MILR1: variants seen among roughly 807,000 people sequenced by gnomAD.
MILR1 encodes allergin-1.
In MILR1, 31 loss-of-function variants were observed where a neutral mutation model predicts 18.5. The observed-to-expected ratio is 1.68, with a 90% CI of 1.26 to 2.26. The LOEUF is 2.26. Ranked by LOEUF, MILR1 falls within the 30% of genes most tolerant of loss-of-function variation. The probability of loss-of-function intolerance (pLI) is 0.00; values close to 1 mark genes in which losing one functional copy is unlikely to be tolerated. For synonymous variants in MILR1, 85 were observed against 56.2 expected (o/e 1.51, Z -2.30); for missense variants, 257 against 157.4 (o/e 1.63, Z -3.38).
chr17:64,479,112 T>C, the MILR1 span, among the ~76,000 whole-genome samples: 12 of 151,986 alleles, frequency 7.9e-5, no homozygotes, highest in African/African-American at 2.4e-4. Flanking sequence ...CCCCTTCATT[T>C]TACACATAAT....
chr17:64,460,986 A>G (rs1349484979), intron 5 of MILR1, 54 bp downstream of exon 5: 9 of 467,938 alleles, frequency 1.9e-5, no homozygotes, highest in Non-Finnish European at 3.5e-5. Flanking sequence ...TGGGATACAG[A>G]CAGCAGGACA....
intron 8 of MILR1, among the ~76,000 whole-genome samples, chr17:64,467,111 C>T (rs2037589445): frequency 7.2e-6 from 1 of 139,274 alleles, no homozygotes; most frequent in African/African-American, 2.7e-5. Context: ...TTCTTTCCTG[C>T]CTTTCTCCTT....
At chr17:64,491,108 AT>A in the MILR1 span, 330 of 712,514 alleles carry the variant, frequency 4.6e-4, no homozygotes, top group Non-Finnish European at 7.1e-4. Flanking sequence ...CCGAATACAA[AT>A]TTTAAAGTTT....
the MILR1 span, among the ~76,000 whole-genome samples, chr17:64,495,895 G>A: frequency 6.6e-6 from 1 of 152,078 alleles, no homozygotes; most frequent in Non-Finnish European, 1.5e-5. Flanking sequence ...TTTTAGTAGA[G>A]ACGGGGTTTC....
chr17:64,495,548 G>A, the MILR1 span, among the ~76,000 whole-genome samples: 1 of 152,162 alleles, frequency 6.6e-6, no homozygotes, highest in South Asian at 2.1e-4. Context: ...CTGCACTCGA[G>A]TCTGGGTGAC....
chr17:64,481,990 A>C, the MILR1 span, among the ~76,000 whole-genome samples: 1 of 152,142 alleles, frequency 6.6e-6, no homozygotes, highest in African/African-American at 2.4e-5. Flanking sequence ...TGAAACTATG[A>C]ATGGGCATGA....
chr17:64,449,257 T>C, intron 1 of MILR1, 34 bp downstream of exon 1: 1 of 473,466 alleles, frequency 2.1e-6, no homozygotes, highest in Non-Finnish European at 3.9e-6. Flanking sequence ...GGCTCGAACC[T>C]CCAAGCCAAC....
intron 3 of MILR1, among the ~76,000 whole-genome samples, chr17:64,455,751 A>T (rs1229981078): frequency 6.6e-6 from 1 of 151,548 alleles, no homozygotes; most frequent in Non-Finnish European, 1.5e-5. Context: ...TTTAAAGAGA[A>T]CACAGGGCCG....
At chr17:64,496,941 A>G in the MILR1 span, 1 of 1,609,410 alleles carries the variant, frequency 6.2e-7, no homozygotes, top group East Asian at 2.2e-5. Flanking sequence ...ACCTTATGGC[A>G]GGCCCTGACG....
the MILR1 span, among the ~76,000 whole-genome samples, chr17:64,476,407 AG>A: frequency 2.0e-5 from 3 of 152,048 alleles, no homozygotes; most frequent in African/African-American, 7.2e-5. Flanking sequence ...AGGCCAGGTG[AG>A]GTGGTTCATG....
chr17:64,486,959 T>G, the MILR1 span: 2 of 152,238 alleles, frequency 1.3e-5, no homozygotes, highest in African/African-American at 4.8e-5. Flanking sequence ...CCTAGAAATT[T>G]CTTAAGTTTT....
chr17:64,467,347 C>G (rs568427494), intron 8 of MILR1, among the ~76,000 whole-genome samples: 14 of 151,700 alleles, frequency 9.2e-5, no homozygotes, highest in Non-Finnish European at 1.9e-4. Context: ...CTGGGCTCAA[C>G]CAATCTTCCT....
At chr17:64,495,816 C>T in the MILR1 span, among the ~76,000 whole-genome samples, 2 of 151,962 alleles carry the variant, frequency 1.3e-5, no homozygotes, top group Admixed American at 6.6e-5. Context: ...TCAAGCGATT[C>T]TCCTGCCTCA....
the MILR1 span, among the ~76,000 whole-genome samples, chr17:64,489,026 TTC>T: frequency 6.7e-6 from 1 of 149,236 alleles, no homozygotes; most frequent in Non-Finnish European, 1.5e-5. Context: ...TTTTTTCTTT[TTC>T]TTTTTTTTTT....
At chr17:64,456,903 G>T (rs2037312678) in intron 3 of MILR1, among the ~76,000 whole-genome samples, 1 of 152,090 alleles carries the variant, frequency 6.6e-6, no homozygotes. Flanking sequence ...TGGGCCGGGT[G>T]TGGTGGCTCC....
the MILR1 span, among the ~76,000 whole-genome samples, chr17:64,495,076 G>T: frequency 2.0e-5 from 3 of 151,770 alleles, no homozygotes; most frequent in African/African-American, 7.3e-5. Flanking sequence ...TACTCGGGAG[G>T]CTGAGGCAGG....
intron 4 of MILR1, 33 bp from the exon 5 acceptor site, chr17:64,460,789 C>T (rs1598097299): frequency 2.1e-6 from 1 of 473,556 alleles, no homozygotes. Flanking sequence ...AAAGAAAATG[C>T]TATGGTCACC....
chr17:64,477,696 A>G, the MILR1 span: 1 of 1,062,318 alleles, frequency 9.4e-7, no homozygotes, highest in Admixed American at 3.2e-5. Context: ...AAAAAATATA[A>G]ACACTGAATG....
the MILR1 span, chr17:64,485,721 A>G: frequency 1.7e-5 from 27 of 1,609,358 alleles, no homozygotes; most frequent in East Asian, 5.8e-4. Flanking sequence ...TGAAATATCA[A>G]CAGCACCTTT....
Sources: gnomAD v4.1 joint callset for allele counts (sites outside exome capture counted in the v4.1 genomes callset) on GRCh38, gnomAD v4.1.1 for gene constraint, MANE v1.5 for transcripts, NCBI Gene and HGNC (gene_info 2026-07-23, HGNC 2026-07-21) for gene names.